AGBL4: variants seen among roughly 807,000 people sequenced by gnomAD.
AGBL4 encodes AGBL carboxypeptidase 4.
AGBL4 carries 58 observed loss-of-function variants against 66.4 expected under a neutral mutation model. The observed-to-expected ratio is 0.87, with a 90% CI of 0.71 to 1.09. AGBL4 has a LOEUF of 1.09. AGBL4 is among the 50% of genes least tolerant of loss of function. The probability of loss-of-function intolerance (pLI) is 0.00; values close to 1 mark genes in which losing one functional copy is unlikely to be tolerated. For missense variants in AGBL4, 579 were observed against 631.0 expected (o/e 0.92, Z 0.88); for synonymous variants, 234 against 222.9 (o/e 1.05, Z -0.44).
At chr1:49,528,117 T>C (rs1472844708) in intron 3 of AGBL4, among the ~76,000 whole-genome samples, 1 of 152,100 alleles carries the variant, frequency 6.6e-6, no homozygotes, top group Non-Finnish European at 1.5e-5. Context: ...ATTTGATGAC[T>C]AATATGATGC....
intron 6 of AGBL4, among the ~76,000 whole-genome samples, chr1:48,846,084 TC>T (rs1038362649): frequency 6.6e-6 from 1 of 152,098 alleles, no homozygotes; most frequent in African/African-American, 2.4e-5. Flanking sequence ...TATAAACTCT[TC>T]TGGTTATCAG....
intron 4 of AGBL4, among the ~76,000 whole-genome samples, chr1:49,080,536 CT>C (rs1482440375): frequency 1.3e-5 from 2 of 152,130 alleles, no homozygotes; most frequent in Admixed American, 1.3e-4. Flanking sequence ...CCCTGATTGG[CT>C]GAAATCACAG....
intron 3 of AGBL4, among the ~76,000 whole-genome samples, chr1:49,623,068 G>C (rs1009542927): frequency 6.6e-6 from 1 of 152,076 alleles, no homozygotes; most frequent in Non-Finnish European, 1.5e-5. Flanking sequence ...ATTACTGAAG[G>C]ATACAGAAAC....
chr1:49,258,886 A>G (rs1012985746), intron 3 of AGBL4, among the ~76,000 whole-genome samples: 1 of 152,220 alleles, frequency 6.6e-6, no homozygotes, highest in East Asian at 1.9e-4. Flanking sequence ...GAAGTAAAAA[A>G]TCTTAAGGGC....
intron 4 of AGBL4, among the ~76,000 whole-genome samples, chr1:49,047,317 TGATA>T (rs1271805491): frequency 6.6e-6 from 1 of 152,102 alleles, no homozygotes; most frequent in Non-Finnish European, 1.5e-5. Flanking sequence ...AAAGACAGGA[TGATA>T]GATATGCAGT....
chr1:48,541,916 C>T (rs569431517), intron 11 of AGBL4, among the ~76,000 whole-genome samples: 33 of 151,990 alleles, frequency 2.2e-4, no homozygotes, highest in Non-Finnish European at 2.6e-4. Flanking sequence ...TAGGTATACA[C>T]GTGCCATGGT....
intron 6 of AGBL4, among the ~76,000 whole-genome samples, chr1:48,697,252 T>A (rs931102341): frequency 2.6e-5 from 4 of 151,958 alleles, no homozygotes; most frequent in Non-Finnish European, 5.9e-5. Flanking sequence ...CCTGGTTCAT[T>A]AGGAGAGGAA....
chr1:49,572,915 C>T (rs1312849511), intron 3 of AGBL4, among the ~76,000 whole-genome samples: 2 of 151,998 alleles, frequency 1.3e-5, no homozygotes, highest in African/African-American at 4.8e-5. Context: ...ATAAAGTGGG[C>T]AGAAAAATGT....
intron 3 of AGBL4, among the ~76,000 whole-genome samples, chr1:49,586,190 C>T (rs1644643285): frequency 6.6e-6 from 1 of 151,990 alleles, no homozygotes; most frequent in Admixed American, 6.6e-5. Context: ...CATTGCTATC[C>T]CCATTTTATA....
chr1:49,507,317 G>A (rs972820871), intron 3 of AGBL4, among the ~76,000 whole-genome samples: 2 of 151,890 alleles, frequency 1.3e-5, no homozygotes, highest in Non-Finnish European at 2.9e-5. Context: ...CACTACCACA[G>A]CCACAAGAGA....
chr1:49,624,533 G>A (rs746644864), intron 3 of AGBL4, among the ~76,000 whole-genome samples: 9 of 152,210 alleles, frequency 5.9e-5, no homozygotes, highest in Non-Finnish European at 1.3e-4. Context: ...GTAAGAGGAA[G>A]TCACTTGGTA....
At chr1:49,452,044 T>C (rs1182746308) in intron 3 of AGBL4, among the ~76,000 whole-genome samples, 1 of 151,894 alleles carries the variant, frequency 6.6e-6, no homozygotes, top group Non-Finnish European at 1.5e-5. Context: ...TGTTCTGGAT[T>C]CCAGTTGGTC....
intron 3 of AGBL4, among the ~76,000 whole-genome samples, chr1:49,419,834 T>C (rs1228915999): frequency 6.6e-6 from 1 of 152,138 alleles, no homozygotes; most frequent in Non-Finnish European, 1.5e-5. Flanking sequence ...CAAGACTGAG[T>C]CAGCCTGCTC....
At chr1:49,180,060 C>T (rs1355577469) in intron 4 of AGBL4, among the ~76,000 whole-genome samples, 2 of 152,086 alleles carry the variant, frequency 1.3e-5, no homozygotes, top group Non-Finnish European at 2.9e-5. Context: ...CACCACCATG[C>T]CCGGCTAATT....
At chr1:49,602,697 G>C (rs1644983422) in intron 3 of AGBL4, among the ~76,000 whole-genome samples, 1 of 151,658 alleles carries the variant, frequency 6.6e-6, no homozygotes, top group Admixed American at 6.6e-5. Flanking sequence ...TGTTCGTGGG[G>C]TTGGGGGGCT....
intron 3 of AGBL4, among the ~76,000 whole-genome samples, chr1:49,511,851 A>G (rs921841483): frequency 5.9e-5 from 9 of 151,902 alleles, no homozygotes; most frequent in Non-Finnish European, 1.3e-4. Context: ...TGAAAAGTTA[A>G]AAGTTTCAGA....
chr1:49,432,313 T>C (rs1570702232), intron 3 of AGBL4, among the ~76,000 whole-genome samples: 1 of 152,144 alleles, frequency 6.6e-6, no homozygotes, highest in East Asian at 1.9e-4. Flanking sequence ...TGGAAAACTT[T>C]GTAATTTTGA....
At chr1:49,369,450 A>G (rs1258918219) in intron 3 of AGBL4, among the ~76,000 whole-genome samples, 1 of 152,210 alleles carries the variant, frequency 6.6e-6, no homozygotes, top group Non-Finnish European at 1.5e-5. Flanking sequence ...TTCAGATACT[A>G]GAAAAAAGGC....
intron 4 of AGBL4, among the ~76,000 whole-genome samples, chr1:49,079,855 T>G (rs1230915306): frequency 6.6e-6 from 1 of 152,210 alleles, no homozygotes; most frequent in Non-Finnish European, 1.5e-5. Context: ...ACTTCTTCAG[T>G]ACCTGAAAAG....
Sources: allele counts gnomAD v4.1 joint callset (sites outside exome capture counted in the v4.1 genomes callset), GRCh38; gene constraint gnomAD v4.1.1; transcripts MANE v1.5; gene names NCBI Gene and HGNC (gene_info 2026-07-23, HGNC 2026-07-21).